The following STARD9 variants were observed in gnomAD, a reference collection of about 807,000 sequenced individuals.
STARD9 encodes the protein stAR-related lipid transfer protein 9.
In STARD9, 346 loss-of-function variants were observed where a neutral mutation model predicts 399.8. That is an observed-to-expected ratio of 0.87 (90% CI 0.79 to 0.95). The LOEUF is 0.95. Among genes scored for constraint, STARD9 ranks in the 40% least tolerant of loss-of-function variants. The pLI, the probability that STARD9 is intolerant of heterozygous loss-of-function variation, is 0.00. For missense variants in STARD9, 5,832 were observed against 5,667.5 expected (o/e 1.03, Z -0.93); for synonymous variants, 2,203 against 2,143.5 (o/e 1.03, Z -0.77).
At position 42,691,346 on chromosome 15, in the gene STARD9, G is replaced by C; in HGVS notation, c.9768G>C (p.Lys3256Asn). The part of the protein sequence containing the change: ...DAGREEVAVA[K>N]PPVSKILSQG... ...GGAGAGAGGAGGTGGCTGTGGCCAAGCCTCCTGTGTCCAAGATTTTATCAC... is the reference window on the plus strand; with the variant it reads ...GGAGAGAGGAGGTGGCTGTGGCCAACCCTCCTGTGTCCAAGATTTTATCAC... The change falls in exon 23 of 33, where the codon AAG becomes AAC. Residue 3256 changes from lysine (K) to asparagine (N), a missense_variant. Around this residue, in one of 2 missense-constraint regions of STARD9, gnomAD observed 5,828 missense variants for 5,651.1 expected, o/e 1.03. Transcript: ENST00000290607. 1 of 1,537,220 alleles carries C rather than the reference G, an allele frequency of 6.5e-7. No homozygotes were observed. Among genetic ancestry groups the C allele is most frequent in the South Asian group, 1.2e-5 (1 of 84,064 alleles).
intron 10 of STARD9, 146 bp downstream of exon 10, chr15:42,661,371 A>G: frequency 1.5e-6 from 1 of 651,070 alleles, no homozygotes; most frequent in Non-Finnish European, 2.6e-6. Context: ...TTAAGAAGTT[A>G]TTTTCTAGGG....
chr15:42,718,747 C>T lies in STARD9; in HGVS notation c.13843-5C>T. ...GGCAGGACTCCCATTTCCCTCTGTCCCCAGGGTCACCTGTCTGTCATGGCA... is the reference window on the plus strand; with the variant it reads ...GGCAGGACTCCCATTTCCCTCTGTCTCCAGGGTCACCTGTCTGTCATGGCA... On this transcript the variant is annotated splice_region_variant and splice_polypyrimidine_tract_variant and intron_variant, in intron 31 of 32. Coordinates refer to ENST00000290607, the MANE Select transcript of STARD9 (RefSeq NM_020759.3). The T allele has an allele frequency of 6.5e-7, 1 of 1,537,126 alleles. No homozygotes were observed. The highest frequency in any genetic ancestry group is 8.7e-7 in the Non-Finnish European group (1 of 1,146,852).
At chr15:42,668,114 G>T (rs148023580) in intron 15 of STARD9, among the ~76,000 whole-genome samples, 1 of 152,206 alleles carries the variant, frequency 6.6e-6, no homozygotes, top group Non-Finnish European at 1.5e-5. Flanking sequence ...AGGCAGTGTA[G>T]GAGTAGGTGG....
rs771543335 is a variant in STARD9 at position 42,662,865 on chromosome 15, C to T, written c.842C>T (p.Thr281Ile). 1.6e-5 allele frequency: 24 copies of T among 1,536,868 alleles called. No individual in the cohort carries two copies. In the African/African-American group the frequency reaches 2.7e-4, roughly 18 times the overall value. Residue 281 changes from threonine to isoleucine, a missense_variant, in exon 11 of 33, where the codon ACT becomes ATT. By Grantham distance (89) the Thr-to-Ile change is moderately conservative. Transcript: ENST00000290607. ...GCCAATATCAACAAGTCCCTTGTGACTCTAGGAATTGTCATCTCCACCTTA... is the reference window on the plus strand; with the variant it reads ...GCCAATATCAACAAGTCCCTTGTGATTCTAGGAATTGTCATCTCCACCTTA... ...EGANINKSLV[T>I]LGIVISTLAQ... is the part of the protein sequence containing the mutation.
At position 42,663,946 on chromosome 15, in the gene STARD9, G is replaced by T. The variant is rs1471225192; in HGVS notation, c.1176+29G>T. The T allele has an allele frequency of 9.3e-6, 13 of 1,396,730 alleles. No homozygotes were observed. The Middle Eastern group carries it at 8.7e-4, about 94-fold the overall frequency. The allele number at this position is 1,396,730 out of a possible 1,614,324, so 86.5% of individuals were successfully genotyped here. ...AGACCTTTTCAGAAGTCCTGGTCTG[G>T]TATAGTTTACACAAAGCTTTCCTTA... On this transcript the variant is annotated intron_variant, in intron 13 of 32. Coordinates refer to ENST00000290607, the MANE Select transcript of STARD9 (RefSeq NM_020759.3).
chr15:42,596,581 A>G (rs1476431897), intron 3 of STARD9, among the ~76,000 whole-genome samples: 2 of 152,224 alleles, frequency 1.3e-5, no homozygotes, highest in Admixed American at 6.5e-5. Context: ...TTCTTCCCAC[A>G]TACTTGCACA....
Position 42,691,217 on chromosome 15 carries a change from G to A in STARD9, c.9639G>A (p.Glu3213=). Residue 3213 remains glutamate, a synonymous_variant, in exon 23 of 33, where the codon GAG becomes GAA. Transcript: ENST00000290607. ...PQEDSPWQEE[E]QHRDQASGGG... ...AAGACAGTCCCTGGCAGGAAGAAGA[G>A]CAGCACAGAGACCAGGCTTCAGGTG... is the stretch of plus-strand genomic sequence containing the variant. 3 of 1,537,270 alleles carry A rather than the reference G, an allele frequency of 2.0e-6. No homozygotes were observed. The highest frequency in any genetic ancestry group is 2.6e-6 in the Non-Finnish European group (3 of 1,146,914).
Position 42,638,073 on chromosome 15 carries a change from T to G in STARD9, c.432T>G (p.Cys144Trp), listed in dbSNP as rs1310994084. The G allele has an allele frequency of 2.0e-6, 3 of 1,536,988 alleles. No homozygotes were observed. The highest frequency in any genetic ancestry group is 2.6e-6 in the Non-Finnish European group (3 of 1,146,902). ...EKDCASLPSS[C>W]RIKVSFLEIY... ...ACTGTGCCTCACTGCCTTCCTCCTG[T>G]AGGATAAAAGTAAGGTAAGAACCTC... is the stretch of plus-strand genomic sequence containing the variant. Residue 144 changes from cysteine (C) to tryptophan (W), a missense_variant, in exon 6 of 33, where the codon TGT (cysteine) becomes TGG (tryptophan). Physicochemically the swap from Cys to Trp is radical, Grantham distance 215. Transcript: ENST00000290607.
rs74475031 is a variant in STARD9, at chr15:42,686,948, A to G, written c.5370A>G (p.Gln1790=). ...WGFGHNHQAL[Q]GAYLKNNLPV... is the part of the protein sequence containing the mutation. Reference sequence around the variant, plus strand: ...TTGGTCACAACCACCAAGCTCTCCAAGGTGCTTATTTGAAGAATAATTTGC... The same window carrying G: ...TTGGTCACAACCACCAAGCTCTCCAGGGTGCTTATTTGAAGAATAATTTGC... Residue 1790 remains glutamine, a synonymous_variant, in exon 23 of 33, where the codon CAA becomes CAG. Transcript: ENST00000290607. The G allele has an allele frequency of 0.018, 27,911 of 1,536,632 alleles. 864 individuals carry two copies. The highest frequency in any genetic ancestry group is 0.095 in the East Asian group (3,872 of 40,902).
intron 3 of STARD9, among the ~76,000 whole-genome samples, chr15:42,598,611 A>G (rs1007711024): frequency 4.6e-5 from 7 of 152,200 alleles, no homozygotes; most frequent in Admixed American, 1.3e-4. Flanking sequence ...ATTGATATAC[A>G]TATTTTGGGG....
intron 13 of STARD9, among the ~76,000 whole-genome samples, chr15:42,664,824 ACC>A (rs1250839683): frequency 2.1e-5 from 3 of 144,586 alleles, no homozygotes; most frequent in Non-Finnish European, 3.0e-5. Context: ...ACACACACAC[ACC>A]CCATACGTAC....
rs547710129 is a variant in STARD9, at chr15:42,694,244, G to C, written c.12666G>C (p.Gly4222=). The C allele has an allele frequency of 3.8e-5, 58 of 1,532,474 alleles. No individual in the cohort carries two copies. In the South Asian group the frequency reaches 7.0e-4, roughly 18 times the overall value. The allele number at this position is 1,532,474 out of a possible 1,614,324, so 94.9% of individuals were successfully genotyped here. ...LTEAKLHHGF[G]EADALLQVLQ... ...AAGCGAAACTGCACCATGGCTTTGG[G>C]GAGGCCGATGCCCTGCTCCAGGTGC... Residue 4222 remains glycine, a synonymous_variant, in exon 23 of 33, where the codon GGG becomes GGC. Coordinates refer to ENST00000290607, the MANE Select transcript of STARD9 (RefSeq NM_020759.3).
At chr15:42,702,501 CTGT>C (rs1322234766) in intron 26 of STARD9, among the ~76,000 whole-genome samples, 9 of 152,142 alleles carry the variant, frequency 5.9e-5, no homozygotes, top group African/African-American at 1.9e-4. Context: ...CGCGCCCGGC[CTGT>C]TGTTATTATT....
Position 42,575,736 on chromosome 15 carries a change from C to G in STARD9, c.21C>G (p.Ala7=). 6.5e-7 allele frequency: 1 copy of G among 1,536,636 alleles called. No homozygotes were observed. Among genetic ancestry groups the G allele is most frequent in the Non-Finnish European group, 8.7e-7 (1 of 1,146,798 alleles). Residue 7 remains alanine (A), a synonymous_variant, in exon 1 of 33, where the codon GCC becomes GCG. Transcript: ENST00000290607. ...GACGGATGGCGAACGTGCAGGTCGC[C>G]GTGCGGGTCCGGCCGCTCAGCAAGA... The part of the protein sequence containing the change: MANVQV[A]VRVRPLSKRE...
At chr15:42,601,180 G>C (rs2058616209) in intron 3 of STARD9, among the ~76,000 whole-genome samples, 1 of 152,064 alleles carries the variant, frequency 6.6e-6, no homozygotes, top group East Asian at 1.9e-4. Flanking sequence ...GCACGGGTTG[G>C]GGGTAAGGTT....
At chr15:42,632,654 A>T (rs2059352847) in intron 3 of STARD9, among the ~76,000 whole-genome samples, 1 of 152,160 alleles carries the variant, frequency 6.6e-6, no homozygotes, top group South Asian at 2.1e-4. Flanking sequence ...GTTTAAACTG[A>T]TGACAACTTA....
intron 26 of STARD9, among the ~76,000 whole-genome samples, chr15:42,700,722 G>A (rs1281040661): frequency 6.6e-6 from 1 of 151,928 alleles, no homozygotes; most frequent in East Asian, 1.9e-4. Context: ...CCATTCTGTG[G>A]GGTGTCTCTT....
At position 42,682,139 on chromosome 15, in the gene STARD9, G is replaced by A; in HGVS notation, c.2101G>A (p.Ala701Thr). 6.5e-7 allele frequency: 1 copy of A among 1,537,186 alleles called. No individual in the cohort carries two copies. The highest frequency in any genetic ancestry group is 8.7e-7 in the Non-Finnish European group (1 of 1,146,872). Residue 701 changes from alanine (A) to threonine (T), a missense_variant, in exon 22 of 33, where the codon GCC becomes ACC. Ala to Thr is a moderately conservative substitution (Grantham distance 58). This residue lies in a region of STARD9 where 5,828 missense variants were observed against 5,651.1 expected (regional missense o/e 1.03). Coordinates refer to ENST00000290607, the MANE Select transcript of STARD9 (RefSeq NM_020759.3). Reference protein sequence around the residue: ...QCLLREETWLASLQQQQQEDQ... With the variant: ...QCLLREETWLTSLQQQQQEDQ... ...TCTGCTCAGAGAAGAGACCTGGCTGGCCAGCTTGCAACAGCAGCAGCAAGA... is the reference window on the plus strand; with the variant it reads ...TCTGCTCAGAGAAGAGACCTGGCTGACCAGCTTGCAACAGCAGCAGCAAGA...
chr15:42,643,291 A>C (rs1052319195), intron 7 of STARD9, among the ~76,000 whole-genome samples: 1 of 151,466 alleles, frequency 6.6e-6, no homozygotes, highest in Non-Finnish European at 1.5e-5. Context: ...CTGCCTTCCA[A>C]GTTTGAGTAA....
Sources: allele counts gnomAD v4.1 joint callset (sites outside exome capture counted in the v4.1 genomes callset), GRCh38; gene constraint gnomAD v4.1.1; regional missense constraint gnomAD v4.1.1; transcripts MANE v1.5; gene names NCBI Gene and HGNC (gene_info 2026-07-23, HGNC 2026-07-21).